Variants in ZKSCAN7 observed in about 807,000 individuals in gnomAD.
ZKSCAN7 encodes the protein zinc finger protein with KRAB and SCAN domains 7.
A neutral mutation model predicts 65.3 loss-of-function variants in ZKSCAN7; 38 were observed. That is an observed-to-expected ratio of 0.58 (90% CI 0.45 to 0.76). ZKSCAN7 has a LOEUF of 0.76. ZKSCAN7 is among the 30% of genes least tolerant of loss of function. The pLI is 0.00. For missense variants in ZKSCAN7, 815 were observed against 913.3 expected (o/e 0.89, Z 1.39); for synonymous variants, 321 against 321.0 (o/e 1.00, Z 0.00).
At position 44,568,330 on chromosome 3, in the gene ZKSCAN7, A is replaced by G. The variant is rs745451842; in HGVS notation, c.708A>G (p.Leu236=). The G allele has an allele frequency of 1.6e-5, 26 of 1,613,724 alleles. No individual in the cohort carries two copies. The highest frequency in any genetic ancestry group is 1.9e-5 in the Non-Finnish European group (23 of 1,179,902). ...RPQDTVAYED[L]SVDYTQKKWK... Reference sequence around the variant, plus strand: ...AGGATACTGTGGCATATGAGGACCTATCTGTAGACTACACTCAGAAGAAAT... The same window carrying G: ...AGGATACTGTGGCATATGAGGACCTGTCTGTAGACTACACTCAGAAGAAAT... The change falls in exon 5 of 6, where the codon CTA becomes CTG. Residue 236 remains leucine (L), a synonymous_variant. Transcript: ENST00000426540.
intron 2 of ZKSCAN7, among the ~76,000 whole-genome samples, chr3:44,559,140 G>T (rs985551589): frequency 6.6e-6 from 1 of 151,650 alleles, no homozygotes; most frequent in African/African-American, 2.4e-5. Flanking sequence ...ATTGAATCAG[G>T]CTCATGCATT....
At chr3:44,582,721 A>G (rs1296402716) in intron 5 of ZKSCAN7, among the ~76,000 whole-genome samples, 1 of 152,158 alleles carries the variant, frequency 6.6e-6, no homozygotes, top group Non-Finnish European at 1.5e-5. Flanking sequence ...AGTGACCCTT[A>G]CGTTCTCTAA....
At chr3:44,567,218 AAAG>A (rs1036678791) in intron 3 of ZKSCAN7, among the ~76,000 whole-genome samples, 13 of 152,044 alleles carry the variant, frequency 8.6e-5, no homozygotes, top group African/African-American at 2.9e-4. Flanking sequence ...GAGCAAAAGA[AAAG>A]AAAGGAAAGG....
chr3:44,580,427 G>C, intron 5 of ZKSCAN7: 1 of 1,600,562 alleles, frequency 6.2e-7, no homozygotes, highest in Non-Finnish European at 8.5e-7. Context: ...CTTCCTGCCA[G>C]AGTGTGGACT....
At chr3:44,557,506 T>A in intron 2 of ZKSCAN7, 36 bp downstream of exon 2, 3 of 1,611,982 alleles carry the variant, frequency 1.9e-6, no homozygotes, top group Non-Finnish European at 2.5e-6. Flanking sequence ...GCCTGATGCT[T>A]CTCTAATGCT....
chr3:44,582,207 AAT>A (rs1397284992), intron 5 of ZKSCAN7, among the ~76,000 whole-genome samples: 1 of 152,194 alleles, frequency 6.6e-6, no homozygotes, highest in Non-Finnish European at 1.5e-5. Context: ...TTATTCACCA[AAT>A]CATAACAGTC....
At chr3:44,578,022 A>T (rs1699959960) in intron 5 of ZKSCAN7, among the ~76,000 whole-genome samples, 1 of 152,184 alleles carries the variant, frequency 6.6e-6, no homozygotes, top group Non-Finnish European at 1.5e-5. Context: ...TTGCCAGGTG[A>T]CACAGGATCT....
At chr3:44,567,071 A>C (rs1192652001) in intron 3 of ZKSCAN7, among the ~76,000 whole-genome samples, 2 of 151,994 alleles carry the variant, frequency 1.3e-5, no homozygotes, top group South Asian at 2.1e-4. Context: ...AGGCATGATC[A>C]TGCCACTGCA....
rs1559420061 is a variant in ZKSCAN7, at chr3:44,555,207, C to T, written c.-393C>T. 6.6e-6 allele frequency: 1 copy of T among 152,254 alleles called. No individual in the cohort carries two copies. The highest frequency in any genetic ancestry group is 2.4e-5 in the African/African-American group (1 of 41,468). The allele number at this position is 152,254 out of a possible 1,614,324, so 9.4% of individuals were successfully genotyped here. A position where few individuals can be genotyped will look rare whatever the true frequency, so the allele number is the denominator to read the frequency against. ...AGGCCTCTCTCGCTTCCGGCTCGGC[C>T]ATTGTTTTTGGTCTAACGGGCAGTA... On this transcript the variant is annotated 5_prime_UTR_variant, in exon 1 of 6. Coordinates refer to ENST00000426540, the MANE Select transcript of ZKSCAN7 (RefSeq NM_001288590.2).
chr3:44,575,824 C>T (rs925214896), downstream of ZKSCAN7, among the ~76,000 whole-genome samples: 1 of 152,128 alleles, frequency 6.6e-6, no homozygotes, highest in Non-Finnish European at 1.5e-5. Flanking sequence ...GTGATCCGCC[C>T]GCCTCGGCCT....
chr3:44,572,640 G>A (rs1013971047), downstream of ZKSCAN7, among the ~76,000 whole-genome samples: 2 of 151,952 alleles, frequency 1.3e-5, no homozygotes, highest in Non-Finnish European at 2.9e-5. Context: ...ACGAGGTCAG[G>A]AGGTGGAGAC....
At position 44,570,476 on chromosome 3, in the gene ZKSCAN7, C is replaced by A; in HGVS notation, c.1366C>A (p.Gln456Lys). The A allele has an allele frequency of 1.9e-6, 3 of 1,614,118 alleles. No homozygotes were observed. Among genetic ancestry groups the A allele is most frequent in the Non-Finnish European group, 2.5e-6 (3 of 1,180,014 alleles). Reference sequence around the variant, plus strand: ...CTATAGGCACAGCTCCCATCTCATTCAACACCAGAGACTCCATAATGGGGA... The same window carrying A: ...CTATAGGCACAGCTCCCATCTCATTAAACACCAGAGACTCCATAATGGGGA... ...KAYRHSSHLIQHQRLHNGEKP... is the reference protein window; with the variant it reads ...KAYRHSSHLIKHQRLHNGEKP... The change falls in exon 6 of 6, where the codon CAA becomes AAA. Residue 456 changes from glutamine (Q) to lysine (K), a missense_variant. This residue lies in a region of ZKSCAN7 where 578 missense variants were observed against 629.5 expected (regional missense o/e 0.92). Coordinates refer to ENST00000426540, the MANE Select transcript of ZKSCAN7 (RefSeq NM_001288590.2).
chr3:44,563,047 A>C lies in ZKSCAN7; in HGVS notation c.424-2440A>C, dbSNP rs143091798. On this transcript the variant is annotated intron_variant, in intron 2 of 5. Coordinates refer to ENST00000426540, the MANE Select transcript of ZKSCAN7 (RefSeq NM_001288590.2). Reference sequence around the variant, plus strand: ...TTCTCTCAAGTTCAAAGTTCCACAGATATCTAGAGCAGGGGCAAAATGCTG... The same window carrying C: ...TTCTCTCAAGTTCAAAGTTCCACAGCTATCTAGAGCAGGGGCAAAATGCTG... Among the ~76,000 whole-genome samples the C allele has an allele frequency of 8.8e-3, 1,339 of 152,246 alleles. 22 individuals are homozygous for C. The highest frequency in any genetic ancestry group is 0.031 in the African/African-American group (1,282 of 41,538).
At chr3:44,581,154 T>G (rs1467802818) in intron 5 of ZKSCAN7, 6 of 916,994 alleles carry the variant, frequency 6.5e-6, no homozygotes, top group Non-Finnish European at 6.5e-6. Context: ...CCTCCTTCCC[T>G]GCGGGCGGCT....
rs894052651 is a variant in ZKSCAN7, at chr3:44,570,861, G to A, written c.1751G>A (p.Cys584Tyr). 1 of 1,614,226 alleles carries A rather than the reference G, an allele frequency of 6.2e-7. No homozygotes were observed. The highest frequency in any genetic ancestry group is 2.2e-5 in the East Asian group (1 of 44,876). Residue 584 changes from cysteine to tyrosine, a missense_variant, in exon 6 of 6, where the codon TGT (cysteine) becomes TAT (tyrosine). By Grantham distance (194) the Cys-to-Tyr change is radical (BLOSUM62 -2). Transcript: ENST00000426540. ...TGEKPYKCSE[C>Y]GKAFNQNSQL... ...GAAAAGCCATACAAATGTAGTGAATGTGGGAAAGCCTTCAATCAGAACTCT... is the reference window on the plus strand; with the variant it reads ...GAAAAGCCATACAAATGTAGTGAATATGGGAAAGCCTTCAATCAGAACTCT...
chr3:44,559,735 G>A (rs1349868926), intron 2 of ZKSCAN7, among the ~76,000 whole-genome samples: 1 of 152,164 alleles, frequency 6.6e-6, no homozygotes, highest in African/African-American at 2.4e-5. Context: ...CCTATTCAAT[G>A]CTTTTTAAAA....
Position 44,579,974 on chromosome 3 carries a change from T to G in ZKSCAN7, c.812-2998T>G, listed in dbSNP as rs1037153583. 1.5e-5 allele frequency: 22 copies of G among 1,443,578 alleles called. No homozygotes were observed. The African/African-American group carries it at 3.2e-4, about 21-fold the overall frequency. 89.4% of individuals were successfully genotyped at this position (1,443,578 alleles called of 1,614,324 possible). On this transcript the variant is annotated intron_variant, in intron 5 of 5. Transcript: ENST00000341840. ...AAGCCGAGGCGTCTGGGAGAGGAGCTTGGGGGGGGGCTTCATTGGTGAAGT... is the reference window on the plus strand; with the variant it reads ...AAGCCGAGGCGTCTGGGAGAGGAGCGTGGGGGGGGGCTTCATTGGTGAAGT...
intron 2 of ZKSCAN7, among the ~76,000 whole-genome samples, chr3:44,562,404 G>A (rs1046698687): frequency 2.8e-4 from 42 of 152,350 alleles, no homozygotes; most frequent in African/African-American, 9.1e-4. Context: ...GGGGGCTGCT[G>A]TGAATGTCTC....
intron 1 of ZKSCAN7, among the ~76,000 whole-genome samples, chr3:44,556,169 C>T (rs1288293493): frequency 6.6e-6 from 1 of 152,144 alleles, no homozygotes; most frequent in Non-Finnish European, 1.5e-5. Context: ...TTTCTGATTC[C>T]ATTTGGTTCC....
Sources: allele counts gnomAD v4.1 joint callset (sites outside exome capture counted in the v4.1 genomes callset), GRCh38; gene constraint gnomAD v4.1.1; regional missense constraint gnomAD v4.1.1; transcripts MANE v1.5; gene names NCBI Gene and HGNC (gene_info 2026-07-23, HGNC 2026-07-21).